The following AGAP1 variants were observed in gnomAD, a reference collection of about 807,000 sequenced individuals.
AGAP1 encodes the protein ArfGAP with GTPase domain, ankyrin repeat and PH domain 1.
A neutral mutation model predicts 105.3 loss-of-function variants in AGAP1; 29 were observed. The observed-to-expected ratio is 0.28, with a 90% confidence interval of 0.21 to 0.38. AGAP1 has a LOEUF of 0.38. Ranked by LOEUF, AGAP1 falls within the 10% of genes least tolerant of loss-of-function variation. The pLI is 1.00. For missense variants in AGAP1, 998 were observed against 1,165.1 expected, an observed-to-expected ratio of 0.86 and a Z score of 2.09; for synonymous variants, 509 against 485.9, an observed-to-expected ratio of 1.05 and a Z score of -0.63.
intron 1 of AGAP1, among the ~76,000 whole-genome samples, chr2:235,519,071 G>T (rs996902900): frequency 2.0e-5 from 3 of 152,172 alleles, no homozygotes; most frequent in African/African-American, 7.2e-5. Flanking sequence ...CATTTGGTGT[G>T]TGTGTATGTG....
Position 236,083,461 on chromosome 2 carries a change from G to A in AGAP1, c.2114+34180G>A, listed in dbSNP as rs2058841583. Among the ~76,000 whole-genome samples the A allele has an allele frequency of 6.6e-6, 1 of 152,150 alleles. No individual in the cohort carries two copies. Among genetic ancestry groups the A allele is most frequent in the South Asian group, 2.1e-4 (1 of 4,828 alleles). On this transcript the variant is annotated intron_variant, in intron 16 of 17. Coordinates refer to ENST00000304032, the MANE Select transcript of AGAP1 (RefSeq NM_001037131.3). The surrounding 1 kb of genome is among the most constrained non-coding windows in gnomAD (Gnocchi z 5.3). ...TTGGTATAAGCCCATCAAAGTTGGT[G>A]CCTAAATGCTGCAACTGATTCTTCT...
chr2:235,843,017 G>A lies in AGAP1; in HGVS notation c.1050+35686G>A, dbSNP rs566711876. 1.3e-5 allele frequency among the ~76,000 whole-genome samples: 2 copies of A among 152,308 alleles called. No individual in the cohort carries two copies. Among genetic ancestry groups the A allele is most frequent in the South Asian group, 2.1e-4 (1 of 4,824 alleles). On this transcript the variant is annotated intron_variant, in intron 9 of 17. Transcript: ENST00000304032. This position sits in a 1 kb window ranked among gnomAD's most constrained non-coding sequence, Gnocchi z 5.9. Reference sequence around the variant, plus strand: ...GCTGGAGTTACAGGCGTTAGCTGCCGTGCCCGGCCCGTGTGAGATTTGATG... The same window carrying A: ...GCTGGAGTTACAGGCGTTAGCTGCCATGCCCGGCCCGTGTGAGATTTGATG...
rs1027713626 is a variant in AGAP1 at position 236,001,321 on chromosome 2, G to A, written c.1645+32698G>A. On this transcript the variant is annotated intron_variant, in intron 13 of 17. Coordinates refer to ENST00000304032, the MANE Select transcript of AGAP1 (RefSeq NM_001037131.3). This position sits in a 1 kb window ranked among gnomAD's most constrained non-coding sequence, Gnocchi z 4.7. ...AGGAAACGCATTTTTGTGGTTTCAC[G>A]CCACCCAGCGTGCGGTGCATTGTGG... 3.7e-4 allele frequency among the ~76,000 whole-genome samples: 57 copies of A among 152,198 alleles called. No individual in the cohort carries two copies. Among genetic ancestry groups the A allele is most frequent in the African/African-American group, 1.3e-3 (54 of 41,442 alleles).
intron 16 of AGAP1, among the ~76,000 whole-genome samples, chr2:236,102,214 G>C (rs376530041): frequency 1.3e-5 from 2 of 151,940 alleles, no homozygotes; most frequent in East Asian, 1.9e-4. Context: ...TCAGGAGATC[G>C]AGACCATCCT....
At chr2:235,915,547 G>T (rs1002956772) in intron 11 of AGAP1, among the ~76,000 whole-genome samples, 3 of 152,116 alleles carry the variant, frequency 2.0e-5, no homozygotes, top group Non-Finnish European at 4.4e-5. Context: ...GGGCATAGTG[G>T]CGAGTGCCTG....
chr2:235,759,556 T>G (rs1198345650), intron 6 of AGAP1, among the ~76,000 whole-genome samples: 1 of 152,206 alleles, frequency 6.6e-6, no homozygotes, highest in Non-Finnish European at 1.5e-5. Flanking sequence ...GCCTAGTAGC[T>G]TATCTCCCAG....
At chr2:235,956,022 C>T (rs1308494318) in intron 12 of AGAP1, among the ~76,000 whole-genome samples, 1 of 152,172 alleles carries the variant, frequency 6.6e-6, no homozygotes, top group Non-Finnish European at 1.5e-5. Flanking sequence ...AAAGAGGGCT[C>T]CTACATCTAA....
intron 9 of AGAP1, chr2:235,852,825 C>G: frequency 6.7e-7 from 1 of 1,502,478 alleles, no homozygotes; most frequent in Non-Finnish European, 8.9e-7. Flanking sequence ...CCACAATCAG[C>G]CCAGCTGTCC....
rs990748382 is a variant in AGAP1, at chr2:236,053,780, G to C, written c.2114+4499G>C. ...GAAATCAAAGGAACCTGGAAGTGGAGAATAGTGTTTTCAATTCCGTGAAAG... is the reference window on the plus strand; with the variant it reads ...GAAATCAAAGGAACCTGGAAGTGGACAATAGTGTTTTCAATTCCGTGAAAG... On this transcript the variant is annotated intron_variant, in intron 16 of 17. Coordinates refer to ENST00000304032, the MANE Select transcript of AGAP1 (RefSeq NM_001037131.3). This position sits in a 1 kb window ranked among gnomAD's most constrained non-coding sequence, Gnocchi z 4.6. Among the ~76,000 whole-genome samples the C allele has an allele frequency of 6.6e-5, 10 of 152,260 alleles. No homozygotes were observed. Among genetic ancestry groups the C allele is most frequent in the African/African-American group, 2.4e-4 (10 of 41,482 alleles).
chr2:235,883,065 T>C lies in AGAP1; in HGVS notation c.1051-280T>C, dbSNP rs1013680711. 2.0e-5 allele frequency among the ~76,000 whole-genome samples: 3 copies of C among 151,582 alleles called. No individual in the cohort carries two copies. The highest frequency in any genetic ancestry group is 4.4e-5 in the Non-Finnish European group (3 of 67,908). ...TCGAACTCTTGGGCTCAAACGATCC[T>C]TACACCGTGCCCAGCCTGGGGTTTC... On this transcript the variant is annotated intron_variant, in intron 9 of 17. Transcript: ENST00000304032. This position sits in a 1 kb window ranked among gnomAD's most constrained non-coding sequence, Gnocchi z 4.5.
Position 235,961,291 on chromosome 2 carries a change from T to C in AGAP1, c.1484-7171T>C, listed in dbSNP as rs1177060945. 2.0e-5 allele frequency among the ~76,000 whole-genome samples: 3 copies of C among 152,250 alleles called. No individual in the cohort carries two copies. The highest frequency in any genetic ancestry group is 7.2e-5 in the African/African-American group (3 of 41,462). On this transcript the variant is annotated intron_variant, in intron 12 of 17. Transcript: ENST00000304032. The surrounding 1 kb of genome is among the most constrained non-coding windows in gnomAD (Gnocchi z 5.9). ...GCTTCCTCCTTTGGCTCCTGGAGTC[T>C]AAAACTTCCTGGTGTCCCTTCTGCC...
rs988559366 is a variant in AGAP1, at chr2:236,105,649, G to A, written c.2115-14543G>A. Among the ~76,000 whole-genome samples, 4 of 147,188 alleles carry A rather than the reference G, an allele frequency of 2.7e-5. No homozygotes were observed. The highest frequency in any genetic ancestry group is 4.2e-4 in the East Asian group (2 of 4,810). The stretch of plus-strand genomic sequence containing the variant: ...CGGCTCACTGCAACCTCCGCCTCCC[G>A]GGTTCACACCATTCTCCCGCGTTCA... On this transcript the variant is annotated intron_variant, in intron 16 of 17. Transcript: ENST00000304032. This position sits in a 1 kb window ranked among gnomAD's most constrained non-coding sequence, Gnocchi z 4.2.
rs1319487003 is a variant in AGAP1, at chr2:235,973,299, A to C, written c.1645+4676A>C. 6.6e-6 allele frequency among the ~76,000 whole-genome samples: 1 copy of C among 152,234 alleles called. No homozygotes were observed. Among genetic ancestry groups the C allele is most frequent in the Non-Finnish European group, 1.5e-5 (1 of 68,044 alleles). ...ATTTATTTTCTTAGGTTTACCATTT[A>C]AAATGAATCGGAGGAATCTGGAAAG... On this transcript the variant is annotated intron_variant, in intron 13 of 17. Coordinates refer to ENST00000304032, the MANE Select transcript of AGAP1 (RefSeq NM_001037131.3). This position sits in a 1 kb window ranked among gnomAD's most constrained non-coding sequence, Gnocchi z 4.7.
intron 1 of AGAP1, among the ~76,000 whole-genome samples, chr2:235,658,294 T>C (rs1261970891): frequency 6.6e-6 from 1 of 152,208 alleles, no homozygotes; most frequent in Non-Finnish European, 1.5e-5. Context: ...ACGGTGCTGC[T>C]ATTTTCCTTG....
rs375110513 is a variant in AGAP1, at chr2:235,867,572, T to TGTGTGTGTGTGC, written c.1051-15770_1051-15769insTGTGTGTGCGTG. Among the ~76,000 whole-genome samples, 2,547 of 148,342 alleles carry TGTGTGTGTGTGC rather than the reference T, an allele frequency of 0.017. 50 individuals carry two copies. The highest frequency in any genetic ancestry group is 0.042 in the East Asian group (209 of 4,948). On this transcript the variant is annotated intron_variant, in intron 9 of 17. Transcript: ENST00000304032. This position sits in a 1 kb window ranked among gnomAD's most constrained non-coding sequence, Gnocchi z 5.4. ...GTGTGTGTGTGTGTGTGTGTGTGTG[T>TGTGTGTGTGTGC]GTGCAAGTGAGGGAGGGTGACCCCC... is the stretch of plus-strand genomic sequence containing the variant.
intron 11 of AGAP1, among the ~76,000 whole-genome samples, chr2:235,911,859 T>C (rs1341095880): frequency 6.6e-6 from 1 of 152,248 alleles, no homozygotes; most frequent in East Asian, 1.9e-4. Flanking sequence ...TGACTTTCCC[T>C]CTTCTCTGGA....
At chr2:235,706,066 C>T (rs1950518336) in intron 1 of AGAP1, among the ~76,000 whole-genome samples, 2 of 152,126 alleles carry the variant, frequency 1.3e-5, no homozygotes, top group Admixed American at 6.5e-5. Context: ...TAAAAGGTGC[C>T]AGAAGGTAAC....
At chr2:235,784,484 A>C (rs955682414) in intron 6 of AGAP1, among the ~76,000 whole-genome samples, 15 of 151,742 alleles carry the variant, frequency 9.9e-5, no homozygotes, top group African/African-American at 2.7e-4. Context: ...TCTTGATCGG[A>C]GATGGCCTCA....
chr2:235,548,816 G>A (rs1014473500), intron 1 of AGAP1, among the ~76,000 whole-genome samples: 9 of 152,152 alleles, frequency 5.9e-5, no homozygotes, highest in South Asian at 2.1e-4. Context: ...GTACCCATGC[G>A]TTTGACTAGG....
Sources: allele counts gnomAD v4.1 joint callset (sites outside exome capture counted in the v4.1 genomes callset), GRCh38; gene constraint gnomAD v4.1.1; non-coding constraint Gnocchi (gnomAD v3.1); transcripts MANE v1.5; gene names NCBI Gene and HGNC (gene_info 2026-07-23, HGNC 2026-07-21).